ABCC3: variants seen among roughly 807,000 people sequenced by gnomAD.
ABCC3 encodes the protein ATP binding cassette subfamily C member 3, also known as ATP-binding cassette sub-family C member 3.
A neutral mutation model predicts 165.3 loss-of-function variants in ABCC3; 121 were observed. The observed-to-expected ratio is 0.73, with a 90% confidence interval of 0.63 to 0.85. ABCC3 has a LOEUF of 0.85. Ranked by LOEUF, ABCC3 falls within the 40% of genes least tolerant of loss-of-function variation. The pLI, the probability that ABCC3 is intolerant of heterozygous loss-of-function variation, is 0.00. For synonymous variants in ABCC3, 733 were observed against 810.1 expected, an observed-to-expected ratio of 0.90 and a Z score of 1.62; for missense variants, 1,869 against 1,964.1, an observed-to-expected ratio of 0.95 and a Z score of 0.92.
chr17:50,675,839 T>A lies in ABCC3; in HGVS notation c.2860-44T>A, dbSNP rs778710175. ...AGGCAGGCCCCAGCAGCCCCAGGGT[T>A]TATGGAGTCCCCTGTCCCTGACTGC... is the stretch of plus-strand genomic sequence containing the variant. On this transcript the variant is annotated intron_variant, in intron 21 of 30. Coordinates refer to ENST00000285238, the MANE Select transcript of ABCC3 (RefSeq NM_003786.4). 6 of 1,609,002 alleles carry A rather than the reference T, an allele frequency of 3.7e-6. No individual in the cohort carries two copies. In the South Asian group the frequency reaches 6.6e-5, roughly 18 times the overall value.
chr17:50,658,563 G>A (rs1458839401), intron 6 of ABCC3, 67 bp downstream of exon 6: 1 of 1,541,948 alleles, frequency 6.5e-7, no homozygotes, highest in South Asian at 1.1e-5. Context: ...TGGAGAAAGG[G>A]GAGCAGGGCA....
At position 50,683,651 on chromosome 17, in the gene ABCC3, G is replaced by A. The variant is rs1967965083; in HGVS notation, c.3849G>A (p.Trp1283Ter). ...AAGGCAGCCGCCCTCCCGAAGGTTG[G>A]CCCCCACGTGGGGAGGTGGAGTTCC... ...VVEGSRPPEG[W>*]PPRGEVEFRN... The change falls in exon 27 of 31, where the codon TGG (tryptophan) becomes TGA (stop). Residue 1283 changes from tryptophan (W) to a stop codon, truncating the protein, a stop_gained. Transcript: ENST00000285238. LOFTEE classifies it high-confidence loss of function. 6.2e-7 allele frequency: 1 copy of A among 1,600,028 alleles called. No homozygotes were observed.
At chr17:50,688,972 G>A (rs1437454844) in intron 30 of ABCC3, among the ~76,000 whole-genome samples, 1 of 151,384 alleles carries the variant, frequency 6.6e-6, no homozygotes, top group Non-Finnish European at 1.5e-5. Context: ...GGAGGCCGAG[G>A]CAGGCAGATC....
chr17:50,668,099 G>A, intron 13 of ABCC3, 90 bp downstream of exon 13: 3 of 1,123,006 alleles, frequency 2.7e-6, no homozygotes, highest in Non-Finnish European at 3.9e-6. Context: ...GATAATCAGG[G>A]GGAGTTATTG....
chr17:50,673,112 G>T lies in ABCC3; in HGVS notation c.2383G>T (p.Gly795Trp), dbSNP rs773640405. ...CAAGCACATCTTTGACCACGTCATC[G>T]GGCCAGAAGGCGTGCTGGCAGGCAA... Reference protein sequence around the residue: ...VAKHIFDHVIGPEGVLAGKTR... With the variant: ...VAKHIFDHVIWPEGVLAGKTR... The change falls in exon 18 of 31, where the codon GGG becomes TGG. Residue 795 changes from glycine (G) to tryptophan (W), a missense_variant. By Grantham distance (184) the Gly-to-Trp change is radical. Coordinates refer to ENST00000285238, the MANE Select transcript of ABCC3 (RefSeq NM_003786.4). 6.2e-7 allele frequency: 1 copy of T among 1,613,868 alleles called. No homozygotes were observed. Among genetic ancestry groups the T allele is most frequent in the Admixed American group, 1.7e-5 (1 of 59,994 alleles).
chr17:50,674,797 GA>G (rs1470033563), intron 19 of ABCC3, among the ~76,000 whole-genome samples: 4 of 140,744 alleles, frequency 2.8e-5, no homozygotes, highest in Admixed American at 7.0e-5. Flanking sequence ...CAGTCATGCA[GA>G]TTTTTTTTTT....
intron 1 of ABCC3, chr17:50,643,551 C>T (rs1313151644): frequency 2.2e-6 from 1 of 456,232 alleles, no homozygotes; most frequent in Non-Finnish European, 4.4e-6. Flanking sequence ...ATCTGCAGAA[C>T]CCAGCCCACT....
chr17:50,676,383 CCTT>C lies in ABCC3; in HGVS notation c.3177_3179del (p.Phe1060del). 7 of 1,614,246 alleles carry C rather than the reference CCTT, an allele frequency of 4.3e-6. No individual in the cohort carries two copies. Among genetic ancestry groups the C allele is most frequent in the Non-Finnish European group, 5.9e-6 (7 of 1,180,046 alleles). On this transcript the variant is annotated inframe_deletion, in exon 23 of 31. Transcript: ENST00000285238. ...CACAACAAGATACGCTCGCCACAGT[CCTT>C]CTTTGACACCACACCATCAGGCCGC...
intron 28 of ABCC3, 128 bp downstream of exon 28, chr17:50,684,235 A>G: frequency 7.8e-7 from 1 of 1,277,622 alleles, no homozygotes; most frequent in Non-Finnish European, 1.1e-6. Flanking sequence ...GGAGGGACAG[A>G]CAGCAGGAAG....
intron 29 of ABCC3, chr17:50,687,231 C>T: frequency 2.5e-6 from 1 of 395,398 alleles, no homozygotes; most frequent in Non-Finnish European, 4.6e-6. Context: ...AGCAGAGAAA[C>T]ATCACGGCAC....
chr17:50,673,143 G>C lies in ABCC3; in HGVS notation c.2409+5G>C. ...GAAGGCGTGCTGGCAGGCAAGGTGA[G>C]GCCTGCCAGAGGCTAAGGGGGCTAA... On this transcript the variant is annotated splice_donor_5th_base_variant and intron_variant, in intron 18 of 30. Coordinates refer to ENST00000285238, the MANE Select transcript of ABCC3 (RefSeq NM_003786.4). 6.2e-7 allele frequency: 1 copy of C among 1,613,560 alleles called. No individual in the cohort carries two copies. The highest frequency in any genetic ancestry group is 1.1e-5 in the South Asian group (1 of 91,078).
chr17:50,691,003 C>A, intron 30 of ABCC3, 89 bp from the exon 31 acceptor site: 3 of 996,906 alleles, frequency 3.0e-6, no homozygotes, highest in Non-Finnish European at 4.7e-6. Context: ...TCACTGTGGG[C>A]CTGAGCAAGT....
chr17:50,652,222 C>T (rs1015732662), intron 1 of ABCC3, among the ~76,000 whole-genome samples: 1 of 152,142 alleles, frequency 6.6e-6, no homozygotes, highest in African/African-American at 2.4e-5. Flanking sequence ...TAAACATAAA[C>T]AGCAACAGAT....
chr17:50,652,554 T>C (rs1323528558), intron 1 of ABCC3, among the ~76,000 whole-genome samples: 1 of 152,250 alleles, frequency 6.6e-6, no homozygotes, highest in Non-Finnish European at 1.5e-5. Context: ...ACCTTGCAAG[T>C]GAACAGTTTT....
chr17:50,644,575 G>A (rs1221618940), intron 1 of ABCC3, among the ~76,000 whole-genome samples: 1 of 152,108 alleles, frequency 6.6e-6, no homozygotes, highest in African/African-American at 2.4e-5. Flanking sequence ...AGCTGGGTGT[G>A]GTGGTGTGCA....
At chr17:50,676,220 C>T in intron 22 of ABCC3, 58 bp from the exon 23 acceptor site, 1 of 1,587,408 alleles carries the variant, frequency 6.3e-7, no homozygotes, top group South Asian at 1.2e-5. Context: ...TCTGATTCTG[C>T]CCCTTTGTGC....
At chr17:50,657,856 G>A (rs1447400317) in intron 4 of ABCC3, among the ~76,000 whole-genome samples, 1 of 152,198 alleles carries the variant, frequency 6.6e-6, no homozygotes, top group Admixed American at 6.5e-5. Flanking sequence ...TGTAGGTAAG[G>A]TGATGGCACC....
intron 17 of ABCC3, among the ~76,000 whole-genome samples, chr17:50,672,011 C>CA (rs1289438022): frequency 4.6e-5 from 7 of 152,084 alleles, no homozygotes; most frequent in Admixed American, 2.0e-4. Flanking sequence ...CATGAGCCAC[C>CA]ACGCGCGACC....
chr17:50,685,238 C>T (rs1567839580), intron 29 of ABCC3, among the ~76,000 whole-genome samples: 1 of 152,176 alleles, frequency 6.6e-6, no homozygotes, highest in Non-Finnish European at 1.5e-5. Flanking sequence ...TTTCTTACAG[C>T]CCCAGATTTT....
Sources: gnomAD v4.1 joint callset for allele counts (sites outside exome capture counted in the v4.1 genomes callset) on GRCh38, gnomAD v4.1.1 for gene constraint, MANE v1.5 for transcripts, NCBI Gene and HGNC (gene_info 2026-07-23, HGNC 2026-07-21) for gene names.